Variants in ADCY9 observed in about 807,000 individuals in gnomAD.
ADCY9 encodes the protein adenylate cyclase type 9.
A neutral mutation model predicts 101.5 loss-of-function variants in ADCY9; 50 were observed. The observed-to-expected ratio is 0.49, with a 90% CI of 0.39 to 0.62. The LOEUF is 0.62. Among genes scored for constraint, ADCY9 ranks in the 20% least tolerant of loss-of-function variants. The pLI is 0.00. For synonymous variants in ADCY9, 905 were observed against 769.3 expected, an observed-to-expected ratio of 1.18 and a Z score of -2.92; for missense variants, 1,662 against 1,800.4, an observed-to-expected ratio of 0.92 and a Z score of 1.39.
At chr16:3,997,046 G>A (rs1169335740) in intron 3 of ADCY9, among the ~76,000 whole-genome samples, 1 of 152,016 alleles carries the variant, frequency 6.6e-6, no homozygotes, top group Non-Finnish European at 1.5e-5. Context: ...TGTATTTTCA[G>A]TAGAGATGGG....
intron 5 of ADCY9, among the ~76,000 whole-genome samples, chr16:3,989,820 T>C (rs187411869): frequency 1.3e-5 from 2 of 152,048 alleles, no homozygotes; most frequent in Admixed American, 6.7e-5. Context: ...AACGAAAACA[T>C]AATTCAGAAC....
chr16:4,070,551 C>G (rs911490864), intron 2 of ADCY9, among the ~76,000 whole-genome samples: 1 of 152,168 alleles, frequency 6.6e-6, no homozygotes, highest in African/African-American at 2.4e-5. Context: ...CCTGGTGGCT[C>G]ACACCTGTAA....
intron 2 of ADCY9, among the ~76,000 whole-genome samples, chr16:4,009,741 G>A (rs1422543758): frequency 6.6e-6 from 1 of 152,228 alleles, no homozygotes; most frequent in Non-Finnish European, 1.5e-5. Flanking sequence ...TCTCGGACCT[G>A]TCCCAGGCGA....
intron 2 of ADCY9, among the ~76,000 whole-genome samples, chr16:4,035,996 C>T: frequency 4.1e-5 from 1 of 24,314 alleles, no homozygotes. Flanking sequence ...GAAACTCCAT[C>T]TCAAAAAAAA....
Position 4,113,857 on chromosome 16 carries a change from A to G in ADCY9, c.1586T>C (p.Val529Ala). 1 of 1,614,066 alleles carries G rather than the reference A, an allele frequency of 6.2e-7. No homozygotes were observed. The highest frequency in any genetic ancestry group is 8.5e-7 in the Non-Finnish European group (1 of 1,179,996). Residue 529 changes from valine to alanine, a missense_variant, in exon 2 of 11, where the codon GTT (valine) becomes GCT (alanine). Physicochemically the swap from Val to Ala is moderately conservative, Grantham distance 64. Around this residue, in one of 5 missense-constraint regions of ADCY9, gnomAD observed 624 missense variants for 639.1 expected, o/e 0.98. Transcript: ENST00000294016. ...TTTTGCGGTGGCCTCAGAAATGTGAACTTTGCCGGCCACTCCCAGCTGCTC... is the reference window on the plus strand; with the variant it reads ...TTTTGCGGTGGCCTCAGAAATGTGAGCTTTGCCGGCCACTCCCAGCTGCTC... ...LMEQLGVAGK[V>A]HISEATAKYL...
chr16:4,101,720 G>A (rs1191685407), intron 2 of ADCY9, among the ~76,000 whole-genome samples: 1 of 152,040 alleles, frequency 6.6e-6, no homozygotes, highest in Non-Finnish European at 1.5e-5. Context: ...ATAAACAAAT[G>A]AGTTTACAGT....
chr16:3,988,389 C>A (rs1433499091), intron 6 of ADCY9, among the ~76,000 whole-genome samples: 2 of 144,658 alleles, frequency 1.4e-5, no homozygotes, highest in Admixed American at 1.4e-4. Flanking sequence ...GACTCCAGGA[C>A]AGGTGGGACG....
At chr16:4,097,071 T>G (rs1237939735) in intron 2 of ADCY9, among the ~76,000 whole-genome samples, 2 of 152,094 alleles carry the variant, frequency 1.3e-5, no homozygotes, top group Non-Finnish European at 2.9e-5. Context: ...TCTTGAAATC[T>G]CCATCTTACA....
At chr16:4,065,976 T>C (rs576975779) in intron 2 of ADCY9, among the ~76,000 whole-genome samples, 1 of 152,344 alleles carries the variant, frequency 6.6e-6, no homozygotes, top group African/African-American at 2.4e-5. Flanking sequence ...AGTGCTGGGA[T>C]TACAGGCGTG....
chr16:4,038,154 G>A (rs1394524306), intron 2 of ADCY9, among the ~76,000 whole-genome samples: 2 of 152,008 alleles, frequency 1.3e-5, no homozygotes, highest in African/African-American at 2.4e-5. Context: ...GGTGGCACAC[G>A]CCTGTGGTCT....
Position 4,018,951 on chromosome 16 carries a change from T to TTGTGTGTGTG in ADCY9, c.1694-11403_1694-11394dup, listed in dbSNP as rs58093859. On this transcript the variant is annotated intron_variant, in intron 2 of 10. Transcript: ENST00000294016. ...CTGAACTTTTCTGGAAGAATCGCAG[T>TTGTGTGTGTG]TGTGTGTGTGTGTGTGTGTTTTGTT... is the stretch of plus-strand genomic sequence containing the variant. Among the ~76,000 whole-genome samples the TTGTGTGTGTG allele has an allele frequency of 6.5e-3, 899 of 138,928 alleles. 2 individuals carry two copies. The highest frequency in any genetic ancestry group is 0.018 in the African/African-American group (693 of 37,954). 91.1% of individuals were successfully genotyped at this position (138,928 alleles called of 152,430 possible).
At chr16:4,054,255 A>G (rs1225127170) in intron 2 of ADCY9, 2 of 152,132 alleles carry the variant, frequency 1.3e-5, no homozygotes, top group African/African-American at 4.8e-5. Context: ...ACATGGAAAT[A>G]CCGATGACCA....
At chr16:4,082,018 G>C (rs1185619130) in intron 2 of ADCY9, among the ~76,000 whole-genome samples, 1 of 152,086 alleles carries the variant, frequency 6.6e-6, no homozygotes, top group Non-Finnish European at 1.5e-5. Context: ...CACAGGCAGA[G>C]TTGGTTAAAT....
At chr16:4,046,691 C>A (rs1057179325) in intron 2 of ADCY9, among the ~76,000 whole-genome samples, 1 of 152,154 alleles carries the variant, frequency 6.6e-6, no homozygotes, top group Admixed American at 6.5e-5. Context: ...TACTAGTTCA[C>A]GCAGATCATC....
chr16:4,039,634 G>A (rs559389502), intron 2 of ADCY9, among the ~76,000 whole-genome samples: 11 of 139,392 alleles, frequency 7.9e-5, no homozygotes, highest in Middle Eastern at 4.6e-3. Context: ...AGCCGAGATC[G>A]CACCATTTCA....
At chr16:4,043,703 A>G (rs1261141049) in intron 2 of ADCY9, among the ~76,000 whole-genome samples, 1 of 152,058 alleles carries the variant, frequency 6.6e-6, no homozygotes, top group Non-Finnish European at 1.5e-5. Flanking sequence ...AATAATAATA[A>G]TAAACAATGT....
chr16:4,108,425 G>C, intron 2 of ADCY9, among the ~76,000 whole-genome samples: 1 of 131,422 alleles, frequency 7.6e-6, no homozygotes, highest in Non-Finnish European at 1.5e-5. Context: ...CCAGGCTGGA[G>C]TGCAATGGCA....
chr16:4,078,562 G>GAAA (rs796262600), intron 2 of ADCY9, among the ~76,000 whole-genome samples: 1 of 65,754 alleles, frequency 1.5e-5, no homozygotes, highest in East Asian at 6.4e-4. Context: ...CTCAAAAAAA[G>GAAA]AAAAAAAAAA....
intron 7 of ADCY9, 82 bp from the exon 8 acceptor site, chr16:3,979,357 A>G (rs924184940): frequency 1.3e-6 from 2 of 1,509,422 alleles, no homozygotes; most frequent in Non-Finnish European, 1.8e-6. Flanking sequence ...GGCCGCAGCC[A>G]GCGCCGCCCT....
Sources: gnomAD v4.1 joint callset for allele counts (sites outside exome capture counted in the v4.1 genomes callset) on GRCh38, gnomAD v4.1.1 for gene constraint, gnomAD v4.1.1 regional missense constraint, MANE v1.5 for transcripts, NCBI Gene and HGNC (gene_info 2026-07-23, HGNC 2026-07-21) for gene names.